The following RASSF3 variants were observed in gnomAD, a reference collection of about 807,000 sequenced individuals.
RASSF3 encodes ras association domain-containing protein 3.
RASSF3 carries 19 observed loss-of-function variants against 19.9 expected under a neutral mutation model. That is an observed-to-expected ratio of 0.96 (90% confidence interval 0.67 to 1.40). The LOEUF (loss-of-function observed/expected upper bound fraction) is 1.40. RASSF3 is among the 40% of genes most tolerant of loss of function. The pLI is 0.00. For synonymous variants in RASSF3, 110 were observed against 104.2 expected, an observed-to-expected ratio of 1.06 and a Z score of -0.34; for missense variants, 306 against 289.8, an observed-to-expected ratio of 1.06 and a Z score of -0.41.
At chr12:64,570,167 G>A (rs180841746) in intron 2 of RASSF3, among the ~76,000 whole-genome samples, 2 of 152,274 alleles carry the variant, frequency 1.3e-5, no homozygotes, top group Non-Finnish European at 2.9e-5. Flanking sequence ...ACAAGCTTTA[G>A]AGCATAGATT....
chr12:64,639,115 G>A (rs530582117), intron 1 of RASSF3, among the ~76,000 whole-genome samples: 4 of 152,272 alleles, frequency 2.6e-5, no homozygotes, highest in African/African-American at 9.6e-5. Context: ...AAGCTCTGAG[G>A]ATTAAGAAAT....
At position 64,520,577 on chromosome 12, in the gene RASSF3, T is replaced by C. The variant is rs963566487; in HGVS notation, c.169+13248T>C. 8.7e-4 allele frequency among the ~76,000 whole-genome samples: 50 copies of C among 57,772 alleles called. 1 individual carries two copies. Among genetic ancestry groups the C allele is most frequent in the Middle Eastern group, 0.025 (2 of 80 alleles). 37.9% of individuals were successfully genotyped at this position (57,772 alleles called of 152,430 possible). Reference sequence around the variant, plus strand: ...ACACATATATATATATATATATATATATATATATATATATATATGCACATA... The same window carrying C: ...ACACATATATATATATATATATATACATATATATATATATATATGCACATA... On this transcript the variant is annotated intron_variant, in intron 1 of 5. Coordinates refer to the RASSF3 transcript ENST00000637125.
chr12:64,643,652 T>C (rs945199161), intron 1 of RASSF3, among the ~76,000 whole-genome samples: 2 of 152,068 alleles, frequency 1.3e-5, no homozygotes, highest in Admixed American at 1.3e-4. Flanking sequence ...AAAACCGGAA[T>C]GATCTACTCT....
upstream of RASSF3, among the ~76,000 whole-genome samples, chr12:64,605,821 G>A (rs1048365994): frequency 6.0e-5 from 9 of 150,926 alleles, no homozygotes; most frequent in African/African-American, 9.8e-5. Context: ...CCGGGAGGTG[G>A]AGGTTGCGGT....
At chr12:64,668,590 A>C (rs1226342831) in intron 1 of RASSF3, among the ~76,000 whole-genome samples, 2 of 151,060 alleles carry the variant, frequency 1.3e-5, no homozygotes, top group African/African-American at 2.4e-5. Flanking sequence ...TCTTTCTTTT[A>C]ATCACCCTGG....
intron 2 of RASSF3, among the ~76,000 whole-genome samples, chr12:64,591,854 T>A (rs1029760289): frequency 6.6e-5 from 10 of 152,144 alleles, no homozygotes; most frequent in African/African-American, 2.4e-4. Flanking sequence ...TTCTCATCTG[T>A]TTCCCTCTAT....
upstream of RASSF3, among the ~76,000 whole-genome samples, chr12:64,607,843 A>C (rs1160652336): frequency 1.3e-5 from 2 of 152,092 alleles, no homozygotes; most frequent in Non-Finnish European, 2.9e-5. Context: ...TACAGCCTCA[A>C]ACTTCTGGGC....
intron 1 of RASSF3, among the ~76,000 whole-genome samples, chr12:64,663,571 G>T (rs1374838498): frequency 6.6e-6 from 1 of 151,666 alleles, no homozygotes; most frequent in Non-Finnish European, 1.5e-5. Context: ...ACCCAGGCTG[G>T]AGTGCAGTGG....
At chr12:64,642,865 CTT>C (rs537286977) in intron 1 of RASSF3, among the ~76,000 whole-genome samples, 6 of 138,856 alleles carry the variant, frequency 4.3e-5, no homozygotes, top group Non-Finnish European at 4.7e-5. Flanking sequence ...TTCTTTCTTT[CTT>C]TTTTTTTTTT....
At chr12:64,693,483 A>G (rs555810427) in intron 4 of RASSF3, among the ~76,000 whole-genome samples, 26 of 151,866 alleles carry the variant, frequency 1.7e-4, no homozygotes, top group East Asian at 7.7e-4. Flanking sequence ...CAGTGGCGCA[A>G]TCATGGCTCA....
intron 1 of RASSF3, among the ~76,000 whole-genome samples, chr12:64,536,583 A>C (rs556994094): frequency 6.6e-6 from 1 of 152,074 alleles, no homozygotes; most frequent in East Asian, 1.9e-4. Context: ...TCAAATAAGA[A>C]AGGAGAGCCT....
intron 2 of RASSF3, among the ~76,000 whole-genome samples, chr12:64,595,130 C>A (rs1348693256): frequency 7.8e-6 from 1 of 128,254 alleles, no homozygotes; most frequent in Non-Finnish European, 1.6e-5. Context: ...TGCAGTGGTG[C>A]AGTCTTGGCT....
In RASSF3 at chr12:64,591,551, C is replaced by T. The variant is rs961109904; in HGVS notation, c.294+49846C>T. 3.0e-4 allele frequency among the ~76,000 whole-genome samples: 45 copies of T among 152,210 alleles called. 1 individual carries two copies. Among genetic ancestry groups the T allele is most frequent in the African/African-American group, 1.0e-3 (42 of 41,558 alleles). On this transcript the variant is annotated intron_variant, in intron 2 of 5. Transcript: ENST00000637125. Reference sequence around the variant, plus strand: ...GCATTTAGCAGTTGTCAAGATTTTGCCACACTTGTTTTGTCCATTCTTTTT... The same window carrying T: ...GCATTTAGCAGTTGTCAAGATTTTGTCACACTTGTTTTGTCCATTCTTTTT...
chr12:64,602,284 TA>T (rs1870106364), intron 2 of RASSF3, among the ~76,000 whole-genome samples: 2 of 147,892 alleles, frequency 1.4e-5, no homozygotes, highest in African/African-American at 5.0e-5. Flanking sequence ...TTTTTTTTTT[TA>T]AATATTATAA....
At chr12:64,630,399 G>A (rs758865280) in intron 1 of RASSF3, among the ~76,000 whole-genome samples, 7 of 152,134 alleles carry the variant, frequency 4.6e-5, no homozygotes, top group Non-Finnish European at 8.8e-5. Flanking sequence ...GGTGGTTTGT[G>A]CCTGTAGTCC....
At chr12:64,643,098 C>T (rs1441197156) in intron 1 of RASSF3, among the ~76,000 whole-genome samples, 2 of 151,754 alleles carry the variant, frequency 1.3e-5, no homozygotes, top group African/African-American at 4.9e-5. Context: ...CAGGTGATTC[C>T]GCCCCTCCCC....
chr12:64,588,459 A>C (rs1220947039), intron 2 of RASSF3, among the ~76,000 whole-genome samples: 1 of 152,082 alleles, frequency 6.6e-6, no homozygotes, highest in Non-Finnish European at 1.5e-5. Flanking sequence ...CAGAAGCAGG[A>C]GGATAGCTTA....
chr12:64,580,835 G>T (rs1302830013), intron 2 of RASSF3, among the ~76,000 whole-genome samples: 1 of 151,794 alleles, frequency 6.6e-6, no homozygotes, highest in Non-Finnish European at 1.5e-5. Flanking sequence ...TTCCTATAAG[G>T]ATATCAATTG....
rs34450092 is a variant in RASSF3 at position 64,663,840 on chromosome 12, C to CTTT, written c.112-20927_112-20925dup. On this transcript the variant is annotated intron_variant, in intron 1 of 4. Transcript: ENST00000542104. ...TTTCTTTACCACGTTTTAGCCTTGC[C>CTTT]TTTTTTTTTTTTTTTTTTTTTTGCC... Among the ~76,000 whole-genome samples, 280 of 72,976 alleles carry CTTT rather than the reference C, an allele frequency of 3.8e-3. 8 individuals are homozygous for CTTT. Among genetic ancestry groups the CTTT allele is most frequent in the African/African-American group, 0.013 (263 of 20,306 alleles). The allele number at this position is 72,976 out of a possible 152,430, so 47.9% of individuals were successfully genotyped here.
Sources: gnomAD v4.1 joint callset for allele counts (sites outside exome capture counted in the v4.1 genomes callset) on GRCh38, gnomAD v4.1.1 for gene constraint, MANE v1.5 for transcripts, NCBI Gene and HGNC (gene_info 2026-07-23, HGNC 2026-07-21) for gene names.